Variants in AGMO observed in about 807,000 individuals in gnomAD.
AGMO encodes alkylglycerol monooxygenase.
AGMO carries 75 observed loss-of-function variants against 60.2 expected under a neutral mutation model. That is an observed-to-expected ratio of 1.25 (90% CI 1.03 to 1.51). The LOEUF is 1.51. AGMO is among the 40% of genes most tolerant of loss of function. The pLI, the probability that AGMO is intolerant of heterozygous loss-of-function variation, is 0.00. For missense variants in AGMO, 763 were observed against 525.5 expected (o/e 1.45, Z -4.42); for synonymous variants, 261 against 177.1 (o/e 1.47, Z -3.76).
chr7:15,304,760 T>C (rs1054422618), intron 12 of AGMO, among the ~76,000 whole-genome samples: 2 of 152,002 alleles, frequency 1.3e-5, no homozygotes, highest in Non-Finnish European at 2.9e-5. Flanking sequence ...TACTAGTAAA[T>C]TGTCAACTAA....
chr7:15,523,918 G>A (rs1784061817), intron 3 of AGMO, among the ~76,000 whole-genome samples: 1 of 152,098 alleles, frequency 6.6e-6, no homozygotes, highest in African/African-American at 2.4e-5. Flanking sequence ...GTCATAGTAA[G>A]GTTGAGGGAA....
chr7:15,142,170 C>T, the AGMO span, among the ~76,000 whole-genome samples: 5 of 152,178 alleles, frequency 3.3e-5, no homozygotes, highest in African/African-American at 1.2e-4. Flanking sequence ...TCCCAATCCA[C>T]ATATTATATA....
chr7:15,466,825 G>C (rs1583581997), intron 3 of AGMO, among the ~76,000 whole-genome samples: 1 of 152,256 alleles, frequency 6.6e-6, no homozygotes, highest in South Asian at 2.1e-4. Context: ...GTTGGTTCAA[G>C]CAAAATTATG....
At chr7:15,170,490 T>C in the AGMO span, among the ~76,000 whole-genome samples, 1 of 152,246 alleles carries the variant, frequency 6.6e-6, no homozygotes, top group Non-Finnish European at 1.5e-5. Flanking sequence ...CTAGCTGTGC[T>C]GCTGTGTATA....
At chr7:15,560,675 A>G (rs904114852) in intron 1 of AGMO, among the ~76,000 whole-genome samples, 1 of 152,182 alleles carries the variant, frequency 6.6e-6, no homozygotes, top group Non-Finnish European at 1.5e-5. Context: ...ACATAATTCT[A>G]ATTTTTCATA....
chr7:15,415,414 G>A (rs554401436), intron 5 of AGMO, among the ~76,000 whole-genome samples: 11 of 151,932 alleles, frequency 7.2e-5, no homozygotes, highest in South Asian at 2.1e-4. Flanking sequence ...ATGGTGGTGC[G>A]TGCCTGTAGT....
At chr7:15,139,664 G>C in the AGMO span, among the ~76,000 whole-genome samples, 1 of 151,602 alleles carries the variant, frequency 6.6e-6, no homozygotes, top group Non-Finnish European at 1.5e-5. Context: ...TTGTTTAGGG[G>C]CAAGGAGTTG....
rs77135844 is a variant in AGMO, at chr7:15,513,558, C to T, written c.409+31214G>A. 7.8e-3 allele frequency among the ~76,000 whole-genome samples: 1,184 copies of T among 152,246 alleles called. 19 individuals carry two copies. Among genetic ancestry groups the T allele is most frequent in the African/African-American group, 0.027 (1,125 of 41,538 alleles). On this transcript the variant is annotated intron_variant, in intron 3 of 12. Transcript: ENST00000342526. ...TGAGCTTTTACTCCTACTCTCTTGT[C>T]CCCCAAGACAATCAGGATCACTACT...
chr7:15,245,346 A>C (rs546818702), intron 12 of AGMO, among the ~76,000 whole-genome samples: 1 of 152,088 alleles, frequency 6.6e-6, no homozygotes. Flanking sequence ...CCCTTTGACC[A>C]GGGGAAATGC....
chr7:15,237,710 A>T (rs899488186), intron 12 of AGMO, among the ~76,000 whole-genome samples: 3 of 152,136 alleles, frequency 2.0e-5, no homozygotes, highest in African/African-American at 7.2e-5. Flanking sequence ...ACACAAATAC[A>T]CAAATACTGA....
At chr7:15,205,288 T>C (rs976454452) in intron 12 of AGMO, among the ~76,000 whole-genome samples, 23 of 152,280 alleles carry the variant, frequency 1.5e-4, no homozygotes, top group African/African-American at 4.8e-4. Context: ...ACAGCCTTTG[T>C]GGTAGTGATG....
At chr7:15,449,059 T>C (rs11982985) in intron 3 of AGMO, among the ~76,000 whole-genome samples, 56,304 of 151,974 alleles carry the variant, frequency 0.37, 11,621 homozygotes, top group Non-Finnish European at 0.49. Context: ...CCCTCTCTTT[T>C]CTATGTGAAA....
chr7:15,189,896 T>A, the AGMO span, among the ~76,000 whole-genome samples: 1 of 151,362 alleles, frequency 6.6e-6, no homozygotes, highest in Non-Finnish European at 1.5e-5. Context: ...TGTTTACCAT[T>A]TATATTTCAT....
chr7:15,484,547 G>T (rs1406161335), intron 3 of AGMO, among the ~76,000 whole-genome samples: 1 of 152,066 alleles, frequency 6.6e-6, no homozygotes, highest in South Asian at 2.1e-4. Flanking sequence ...GGACACTTTT[G>T]TATATATGCC....
rs542202341 is a variant in AGMO, at chr7:15,529,633, A to AATAT, written c.409+15135_409+15138dup. 5.9e-4 allele frequency among the ~76,000 whole-genome samples: 11 copies of AATAT among 18,756 alleles called. 3 individuals are homozygous for AATAT. Among genetic ancestry groups the AATAT allele is most frequent in the South Asian group, 1.2e-3 (1 of 820 alleles). The allele number at this position is 18,756 out of a possible 152,430, so 12.3% of individuals were successfully genotyped here. A position where few individuals can be genotyped will look rare whatever the true frequency, so the allele number is the denominator to read the frequency against. On this transcript the variant is annotated intron_variant, in intron 3 of 12. Transcript: ENST00000342526. ...GTATATATATAGAATATATATATAG[A>AATAT]ATATATATATATACTATATATTCTA...
the AGMO span, among the ~76,000 whole-genome samples, chr7:15,119,931 C>CT: frequency 8.6e-4 from 123 of 142,960 alleles, no homozygotes; most frequent in Middle Eastern, 3.7e-3. Context: ...ATCATGCATG[C>CT]TTTTTTTTTT....
At chr7:15,513,612 C>T (rs189646706) in intron 3 of AGMO, among the ~76,000 whole-genome samples, 2 of 152,242 alleles carry the variant, frequency 1.3e-5, no homozygotes, top group Admixed American at 6.5e-5. Context: ...TGCAGGCTTG[C>T]CAGTGGCCAC....
At chr7:15,494,475 T>G (rs1283893833) in intron 3 of AGMO, among the ~76,000 whole-genome samples, 2 of 152,216 alleles carry the variant, frequency 1.3e-5, no homozygotes, top group Non-Finnish European at 2.9e-5. Flanking sequence ...GATGTTGTGG[T>G]GTGTTTATAC....
chr7:15,402,444 A>G (rs1397950578), intron 5 of AGMO, among the ~76,000 whole-genome samples: 2 of 151,564 alleles, frequency 1.3e-5, no homozygotes, highest in Non-Finnish European at 2.9e-5. Flanking sequence ...ATAATTCACT[A>G]TAGGCTCATG....
Sources: gnomAD v4.1 joint callset for allele counts (sites outside exome capture counted in the v4.1 genomes callset) on GRCh38, gnomAD v4.1.1 for gene constraint, MANE v1.5 for transcripts, NCBI Gene and HGNC (gene_info 2026-07-23, HGNC 2026-07-21) for gene names.